SMIM35: variants seen among roughly 807,000 people sequenced by gnomAD.
SMIM35 encodes the protein TMPRSS4 antisense RNA 1 (non-protein coding).
At chr11:118,017,637 T>A (rs61598135) in intron 1 of SMIM35, among the ~76,000 whole-genome samples, 14,612 of 152,222 alleles carry the variant, frequency 0.096, 982 homozygotes, top group East Asian at 0.37. Context: ...ATGTGACAAT[T>A]GAGAAGACCT....
intron 1 of SMIM35, among the ~76,000 whole-genome samples, chr11:118,046,772 A>G (rs896105519): frequency 1.3e-5 from 2 of 152,184 alleles, no homozygotes; most frequent in African/African-American, 2.4e-5. Flanking sequence ...CCAGACTGAC[A>G]CCGTTTGAGT....
chr11:118,080,630 C>T (rs926789112), intron 1 of SMIM35, among the ~76,000 whole-genome samples: 6 of 152,098 alleles, frequency 3.9e-5, no homozygotes, highest in African/African-American at 1.4e-4. Flanking sequence ...AGACCCATGC[C>T]AAAGCCCAAG....
At chr11:118,021,076 A>G (rs760774612) in intron 1 of SMIM35, among the ~76,000 whole-genome samples, 1 of 135,324 alleles carries the variant, frequency 7.4e-6, no homozygotes, top group Non-Finnish European at 1.5e-5. Flanking sequence ...ATTAAGATGG[A>G]CATGAGTTAT....
chr11:118,021,129 T>C (rs1336839986), intron 1 of SMIM35, among the ~76,000 whole-genome samples: 1 of 151,692 alleles, frequency 6.6e-6, no homozygotes, highest in African/African-American at 2.4e-5. Flanking sequence ...GTTAATTTAA[T>C]TTTAATACTA....
chr11:118,052,943 C>T (rs917468974), intron 1 of SMIM35, among the ~76,000 whole-genome samples: 1 of 152,208 alleles, frequency 6.6e-6, no homozygotes, highest in Non-Finnish European at 1.5e-5. Flanking sequence ...GTTGAAGGTC[C>T]ACCTCCCAGC....
At chr11:118,050,923 A>G (rs192573079) in intron 1 of SMIM35, among the ~76,000 whole-genome samples, 104 of 152,156 alleles carry the variant, frequency 6.8e-4, no homozygotes, top group Non-Finnish European at 1.1e-3. Flanking sequence ...ATCCATCCCC[A>G]CCCTATCTGC....
At chr11:118,050,681 C>T (rs78848382) in intron 1 of SMIM35, among the ~76,000 whole-genome samples, 5,795 of 152,218 alleles carry the variant, frequency 0.038, 232 homozygotes, top group East Asian at 0.1. Flanking sequence ...AAGTGCCGGC[C>T]GATGCATGCA....
intron 1 of SMIM35, among the ~76,000 whole-genome samples, chr11:118,076,558 GCTGA>G (rs1944695949): frequency 6.6e-6 from 1 of 152,212 alleles, no homozygotes; most frequent in Non-Finnish European, 1.5e-5. Context: ...TTGAACGGCT[GCTGA>G]GGCAGGGGCA....
chr11:118,017,097 G>C (rs11824648), intron 1 of SMIM35, among the ~76,000 whole-genome samples: 1,954 of 152,194 alleles, frequency 0.013, 33 homozygotes, highest in African/African-American at 0.044. Flanking sequence ...AGAATTCACA[G>C]CATAGACAAG....
At chr11:118,050,746 G>C (rs1238417318) in intron 1 of SMIM35, among the ~76,000 whole-genome samples, 2 of 152,182 alleles carry the variant, frequency 1.3e-5, no homozygotes, top group Non-Finnish European at 2.9e-5. Flanking sequence ...AAGTTCAGAG[G>C]CTTTGGGGTT....
intron 1 of SMIM35, among the ~76,000 whole-genome samples, chr11:118,070,137 A>C (rs1454479894): frequency 6.6e-6 from 1 of 152,180 alleles, no homozygotes; most frequent in Non-Finnish European, 1.5e-5. Context: ...AAATGGGATA[A>C]AGTAAATCTA....
At chr11:118,036,214 A>C (rs1218994345) in intron 1 of SMIM35, among the ~76,000 whole-genome samples, 1 of 152,218 alleles carries the variant, frequency 6.6e-6, no homozygotes, top group East Asian at 1.9e-4. Context: ...AAAAAACCAT[A>C]AAATTGATTC....
chr11:118,041,911 C>T (rs893686866), intron 1 of SMIM35, among the ~76,000 whole-genome samples: 9 of 151,710 alleles, frequency 5.9e-5, no homozygotes. Flanking sequence ...ATTAGCTGGG[C>T]ATGGTGGCAG....
chr11:118,027,746 G>A (rs1182331820), intron 1 of SMIM35, among the ~76,000 whole-genome samples: 4 of 152,144 alleles, frequency 2.6e-5, no homozygotes, highest in African/African-American at 9.7e-5. Context: ...CCTGTGGCAG[G>A]GAGGCACACA....
rs60864416 is a variant in SMIM35, at chr11:118,027,016, CT to C, written c.8-11208del. Reference sequence around the variant, plus strand: ...ATTTTTTAAAAATCCACCACCACCACTTTTTTTTTTTTTTTTTTTTTTGAGA... The same window carrying C: ...ATTTTTTAAAAATCCACCACCACCACTTTTTTTTTTTTTTTTTTTTTGAGA... On this transcript the variant is annotated intron_variant, in intron 1 of 4. Coordinates refer to ENST00000689828, the MANE Select transcript of SMIM35 (RefSeq NM_001394165.1). Among the ~76,000 whole-genome samples the C allele has an allele frequency of 7.8e-3, 730 of 93,230 alleles. 1 individual carries two copies. The highest frequency in any genetic ancestry group is 0.028 in the African/African-American group (670 of 23,708). The allele number at this position is 93,230 out of a possible 152,430, so 61.2% of individuals were successfully genotyped here.
At chr11:118,046,439 C>T (rs1944097992) in intron 1 of SMIM35, among the ~76,000 whole-genome samples, 1 of 152,110 alleles carries the variant, frequency 6.6e-6, no homozygotes, top group African/African-American at 2.4e-5. Context: ...CCAGGAGGCC[C>T]CAAAAAACTG....
chr11:118,062,923 A>T (rs559954094), intron 1 of SMIM35, among the ~76,000 whole-genome samples: 2 of 152,194 alleles, frequency 1.3e-5, no homozygotes, highest in Non-Finnish European at 2.9e-5. Context: ...CCTTGCTGAT[A>T]AAACAGGTTG....
intron 1 of SMIM35, among the ~76,000 whole-genome samples, chr11:118,063,400 A>C (rs612941): frequency 0.15 from 23,319 of 151,896 alleles, 1,956 homozygotes; most frequent in East Asian, 0.3. Context: ...TCTCGTCTGC[A>C]TTTTTCTGTC....
intron 1 of SMIM35, among the ~76,000 whole-genome samples, chr11:118,084,585 T>C (rs2135252499): frequency 6.6e-6 from 1 of 152,254 alleles, no homozygotes; most frequent in South Asian, 2.1e-4. Context: ...CAAACGAGAA[T>C]CCTCAACCCT....
Sources: gnomAD v4.1 joint callset for allele counts (sites outside exome capture counted in the v4.1 genomes callset) on GRCh38, gnomAD v4.1.1 for gene constraint, MANE v1.5 for transcripts, NCBI Gene and HGNC (gene_info 2026-07-23, HGNC 2026-07-21) for gene names.